ROCK2: variants seen among roughly 807,000 people sequenced by gnomAD.
The protein encoded by ROCK2 is Rho associated coiled-coil containing protein kinase 2, also known as rho-associated protein kinase 2.
Under a neutral mutation model 195.1 loss-of-function variants are expected in ROCK2, and 61 were observed. The observed-to-expected ratio is 0.31, with a 90% CI of 0.25 to 0.39. The LOEUF is 0.39. Ranked by LOEUF, ROCK2 falls within the 10% of genes least tolerant of loss-of-function variation. ROCK2 has a pLI of 1.00. For synonymous variants in ROCK2, 504 were observed against 545.5 expected (o/e 0.92, Z 1.06); for missense variants, 1,109 against 1,637.4 (o/e 0.68, Z 5.57).
rs1380229300 is a variant in ROCK2 at position 11,211,808 on chromosome 2, G to A, written c.2076C>T (p.Tyr692=). 1 of 1,609,322 alleles carries A rather than the reference G, an allele frequency of 6.2e-7. No individual in the cohort carries two copies. The highest frequency in any genetic ancestry group is 1.3e-5 in the African/African-American group (1 of 74,544). The part of the protein sequence containing the change: ...EKSNMEIDMT[Y]QLKVIQQSLE... ...GGCTCTGCTGTATAACTTTTAGTTG[G>A]TATGTCATATCTATTTCCATGTTGC... Residue 692 remains tyrosine, a synonymous_variant, in exon 18 of 33, where the codon TAC becomes TAT. Transcript: ENST00000315872.
At chr2:11,218,561 A>C in intron 10 of ROCK2, 95 bp from the exon 11 acceptor site, 2 of 831,674 alleles carry the variant, frequency 2.4e-6, no homozygotes, top group Non-Finnish European at 1.8e-6. Context: ...AAATTATCCA[A>C]CCTAATGCTT....
chr2:11,302,741 T>A (rs1667745795), intron 1 of ROCK2, among the ~76,000 whole-genome samples: 1 of 152,230 alleles, frequency 6.6e-6, no homozygotes, highest in Admixed American at 6.5e-5. Context: ...ACTGTTTTAA[T>A]AACTCGTTAA....
chr2:11,200,514 C>T (rs1483721530), intron 23 of ROCK2, among the ~76,000 whole-genome samples: 4 of 152,164 alleles, frequency 2.6e-5, no homozygotes, highest in Non-Finnish European at 5.9e-5. Flanking sequence ...TTTTCATTTC[C>T]ACTGAACAGG....
At chr2:11,208,227 C>CA in intron 19 of ROCK2, 60 bp downstream of exon 19, 1 of 1,009,802 alleles carries the variant, frequency 9.9e-7, no homozygotes, top group East Asian at 3.3e-5. Context: ...ACTAGACCTT[C>CA]ATGAATAAAC....
chr2:11,269,370 G>A (rs1008709873), intron 3 of ROCK2, among the ~76,000 whole-genome samples: 1 of 152,156 alleles, frequency 6.6e-6, no homozygotes, highest in Admixed American at 6.5e-5. Flanking sequence ...AAACTAGCCA[G>A]GTGTGGTGAC....
At chr2:11,328,215 A>G (rs1021334017) in intron 1 of ROCK2, among the ~76,000 whole-genome samples, 4 of 152,224 alleles carry the variant, frequency 2.6e-5, no homozygotes, top group African/African-American at 9.6e-5. Context: ...AATTACACGC[A>G]GTGAATTAAG....
intron 8 of ROCK2, among the ~76,000 whole-genome samples, chr2:11,221,774 C>G (rs143256807): frequency 1.3e-5 from 2 of 152,048 alleles, no homozygotes; most frequent in Non-Finnish European, 2.9e-5. Flanking sequence ...TCAAGTCAAA[C>G]GCATTTAAAT....
At chr2:11,277,278 C>G (rs780273828) in intron 3 of ROCK2, among the ~76,000 whole-genome samples, 1 of 152,200 alleles carries the variant, frequency 6.6e-6, no homozygotes, top group Non-Finnish European at 1.5e-5. Context: ...CCCACAAATC[C>G]GCTGTGCTCC....
Position 11,192,800 on chromosome 2 carries a change from T to C in ROCK2, c.3688-88A>G, listed in dbSNP as rs1305078225. The C allele has an allele frequency of 1.5e-5, 20 of 1,363,590 alleles. No homozygotes were observed. Among genetic ancestry groups the C allele is most frequent in the Non-Finnish European group, 9.8e-7 (1 of 1,015,260 alleles). 84.5% of individuals were successfully genotyped at this position (1,363,590 alleles called of 1,614,324 possible). On this transcript the variant is annotated intron_variant, in intron 30 of 32. Coordinates refer to ENST00000315872, the MANE Select transcript of ROCK2 (RefSeq NM_004850.5). The surrounding 1 kb of genome is among the most constrained non-coding windows in gnomAD (Gnocchi z 5.0). ...TTCTGATAGTGTAAGTAAAATAAAA[T>C]TAGCCTAAATTATTCAAAGAGAAGA... is the stretch of plus-strand genomic sequence containing the variant.
At chr2:11,203,593 C>T (rs1663943052) in intron 20 of ROCK2, among the ~76,000 whole-genome samples, 1 of 152,102 alleles carries the variant, frequency 6.6e-6, no homozygotes, top group South Asian at 2.1e-4. Context: ...ACCCTAGTCT[C>T]TTCAGTTCGT....
intron 32 of ROCK2, among the ~76,000 whole-genome samples, chr2:11,184,059 G>A (rs551042229): frequency 6.6e-6 from 1 of 152,180 alleles, no homozygotes; most frequent in South Asian, 2.1e-4. Flanking sequence ...ATCTCCTTTA[G>A]CCACTATTAA....
At position 11,183,024 on chromosome 2, in the gene ROCK2, C is replaced by A. The variant is rs1222692132; in HGVS notation, c.*413G>T. 2 of 157,458 alleles carry A rather than the reference C, an allele frequency of 1.3e-5. No homozygotes were observed. Among genetic ancestry groups the A allele is most frequent in the African/African-American group, 2.4e-5 (1 of 41,466 alleles). 9.8% of individuals were successfully genotyped at this position (157,458 alleles called of 1,614,324 possible). A position where few individuals can be genotyped will look rare whatever the true frequency, so the allele number is the denominator to read the frequency against. On this transcript the variant is annotated 3_prime_UTR_variant, in exon 33 of 33. Transcript: ENST00000315872. ...GTATAATGGTCACTTCTTAAAGATGCAGTCAATATCACTGTAGTGGAATCC... is the reference window on the plus strand; with the variant it reads ...GTATAATGGTCACTTCTTAAAGATGAAGTCAATATCACTGTAGTGGAATCC...
chr2:11,226,898 G>GA (rs1664828750), intron 6 of ROCK2, among the ~76,000 whole-genome samples: 2 of 125,992 alleles, frequency 1.6e-5, no homozygotes, highest in African/African-American at 6.0e-5. Flanking sequence ...GCAACAGAGC[G>GA]AGACCCTGCC....
At chr2:11,294,789 C>CTTTTTTTTTTTTTTTTTTTTTT (rs1667461307) in intron 1 of ROCK2, among the ~76,000 whole-genome samples, 4 of 151,686 alleles carry the variant, frequency 2.6e-5, no homozygotes, top group African/African-American at 9.7e-5. Context: ...TACTATTTTT[C>CTTTTTTTTTTTTTTTTTTTTTT]TTTTTTGAGA....
chr2:11,328,958 C>A (rs889824847), intron 1 of ROCK2, among the ~76,000 whole-genome samples: 5 of 151,336 alleles, frequency 3.3e-5, no homozygotes, highest in Admixed American at 1.3e-4. Flanking sequence ...AGGAGATATA[C>A]CTAATGCTAA....
intron 27 of ROCK2, among the ~76,000 whole-genome samples, chr2:11,195,763 C>G (rs1005641663): frequency 1.3e-5 from 2 of 152,184 alleles, no homozygotes; most frequent in African/African-American, 4.8e-5. Flanking sequence ...GATCTGTCTG[C>G]CTCAGCCTCT....
intron 32 of ROCK2, among the ~76,000 whole-genome samples, chr2:11,188,822 C>T (rs1663304751): frequency 1.3e-5 from 2 of 151,924 alleles, no homozygotes; most frequent in African/African-American, 2.4e-5. Context: ...GATGGGGTTT[C>T]ACTGTGTTAG....
At chr2:11,287,029 A>G (rs967763725) in intron 2 of ROCK2, among the ~76,000 whole-genome samples, 1 of 152,198 alleles carries the variant, frequency 6.6e-6, no homozygotes, top group African/African-American at 2.4e-5. Context: ...TTGATGGCCT[A>G]CTTCTCTGAA....
At chr2:11,279,268 A>G (rs934985413) in intron 3 of ROCK2, among the ~76,000 whole-genome samples, 14 of 152,322 alleles carry the variant, frequency 9.2e-5, no homozygotes, top group African/African-American at 2.4e-4. Context: ...AGACCCAACT[A>G]TATTTTTTCT....
Sources: allele counts gnomAD v4.1 joint callset (sites outside exome capture counted in the v4.1 genomes callset), GRCh38; gene constraint gnomAD v4.1.1; non-coding constraint Gnocchi (gnomAD v3.1); transcripts MANE v1.5; gene names NCBI Gene and HGNC (gene_info 2026-07-23, HGNC 2026-07-21).